The following IMMP2L variants were observed in gnomAD, a reference collection of about 807,000 sequenced individuals.
IMMP2L encodes the protein inner mitochondrial membrane peptidase subunit 2, also known as mitochondrial inner membrane protease subunit 2.
IMMP2L carries 18 observed loss-of-function variants against 19.3 expected under a neutral mutation model. The ratio of observed to expected loss-of-function variants is 0.93; its 90% CI spans 0.64 to 1.38. The LOEUF (loss-of-function observed/expected upper bound fraction) is 1.38. IMMP2L is among the 40% of genes most tolerant of loss of function. IMMP2L has a pLI of 0.00. For missense variants in IMMP2L, 233 were observed against 218.2 expected, an observed-to-expected ratio of 1.07 and a Z score of -0.43; for synonymous variants, 76 against 73.0, an observed-to-expected ratio of 1.04 and a Z score of -0.21.
At chr7:110,818,725 G>A (rs1802761332) in intron 5 of IMMP2L, among the ~76,000 whole-genome samples, 1 of 151,872 alleles carries the variant, frequency 6.6e-6, no homozygotes. Context: ...GTCCAACAAC[G>A]ATAGACTGGA....
chr7:110,991,246 C>T (rs149639701), intron 3 of IMMP2L, among the ~76,000 whole-genome samples: 11 of 152,138 alleles, frequency 7.2e-5, no homozygotes, highest in Non-Finnish European at 1.3e-4. Flanking sequence ...TCTTGAGGCT[C>T]CCACCATGTT....
At chr7:111,256,619 T>A (rs1208509417) in intron 3 of IMMP2L, among the ~76,000 whole-genome samples, 2 of 152,052 alleles carry the variant, frequency 1.3e-5, no homozygotes. Flanking sequence ...ATATGTCCAT[T>A]GTTCATAGAG....
At chr7:111,260,735 C>T (rs1490283107) in intron 3 of IMMP2L, among the ~76,000 whole-genome samples, 1 of 152,014 alleles carries the variant, frequency 6.6e-6, no homozygotes, top group Non-Finnish European at 1.5e-5. Flanking sequence ...AAGAAACTTT[C>T]TCTAAAGGAG....
At chr7:110,831,918 G>T (rs1463096282) in intron 5 of IMMP2L, among the ~76,000 whole-genome samples, 2 of 152,134 alleles carry the variant, frequency 1.3e-5, no homozygotes, top group Non-Finnish European at 2.9e-5. Flanking sequence ...TGAAGCTAAA[G>T]GTCCCAGCAG....
chr7:111,506,245 A>G lies in IMMP2L; in HGVS notation c.135+15068T>C, dbSNP rs537373463. Among the ~76,000 whole-genome samples, 6 of 151,452 alleles carry G rather than the reference A, an allele frequency of 4.0e-5. No individual in the cohort carries two copies. The East Asian group carries it at 7.7e-4, about 20-fold the overall frequency. The stretch of plus-strand genomic sequence containing the variant: ...ATATAAAAATAAATAATAAATTTTT[A>G]AAAAGAAATGCTCCTTCATAATAAG... On this transcript the variant is annotated intron_variant, in intron 2 of 5. Transcript: ENST00000405709.
intron 3 of IMMP2L, among the ~76,000 whole-genome samples, chr7:111,141,276 C>A (rs546526802): frequency 1.3e-5 from 2 of 151,686 alleles, no homozygotes; most frequent in African/African-American, 4.9e-5. Flanking sequence ...AATAATACTA[C>A]AAAGAATGTG....
intron 5 of IMMP2L, among the ~76,000 whole-genome samples, chr7:110,823,631 T>C (rs1563001217): frequency 1.3e-5 from 2 of 152,170 alleles, no homozygotes; most frequent in East Asian, 1.9e-4. Context: ...CCTAACCTTA[T>C]AAAAGATCAG....
intron 3 of IMMP2L, among the ~76,000 whole-genome samples, chr7:111,045,196 C>T (rs929923747): frequency 6.6e-6 from 1 of 152,194 alleles, no homozygotes; most frequent in Non-Finnish European, 1.5e-5. Context: ...TGCTAGTTAG[C>T]CTACTCAGCC....
At chr7:111,241,671 C>T (rs1026686403) in intron 3 of IMMP2L, among the ~76,000 whole-genome samples, 1 of 151,254 alleles carries the variant, frequency 6.6e-6, no homozygotes, top group African/African-American at 2.4e-5. Flanking sequence ...GTATATTGTG[C>T]TGTAACTTTT....
At chr7:111,190,428 G>A (rs749098292) in intron 3 of IMMP2L, among the ~76,000 whole-genome samples, 28 of 151,996 alleles carry the variant, frequency 1.8e-4, no homozygotes, top group Non-Finnish European at 3.5e-4. Flanking sequence ...AGATTTGTCC[G>A]AAGGGAAAAC....
chr7:110,818,935 G>A (rs1210609746), intron 5 of IMMP2L, among the ~76,000 whole-genome samples: 1 of 122,784 alleles, frequency 8.1e-6, no homozygotes, highest in Non-Finnish European at 1.6e-5. Flanking sequence ...ACAGGAAGGG[G>A]AACATCACAC....
chr7:111,218,123 C>G (rs1812147396), intron 3 of IMMP2L, among the ~76,000 whole-genome samples: 1 of 151,984 alleles, frequency 6.6e-6, no homozygotes, highest in African/African-American at 2.4e-5. Context: ...CACTCTTTCC[C>G]TATATATGAA....
At chr7:110,796,565 T>C (rs550524238) in intron 5 of IMMP2L, among the ~76,000 whole-genome samples, 1 of 152,146 alleles carries the variant, frequency 6.6e-6, no homozygotes, top group African/African-American at 2.4e-5. Context: ...TAAAACACAA[T>C]CTCAATTTCT....
rs945785878 is a variant in IMMP2L, at chr7:110,663,495, G to A, written c.*107C>T. The A allele has an allele frequency of 1.5e-4, 135 of 882,826 alleles. 1 individual carries two copies. In the Middle Eastern group the frequency reaches 2.3e-3, roughly 15 times the overall value. 54.7% of individuals were successfully genotyped at this position (882,826 alleles called of 1,614,324 possible). A position where few individuals can be genotyped will look rare whatever the true frequency, so the allele number is the denominator to read the frequency against. The stretch of plus-strand genomic sequence containing the variant: ...TTTTAATGTGCTGTAAATATTTCTC[G>A]CACAGCATCATATTGTCAGAAGTTT... On this transcript the variant is annotated 3_prime_UTR_variant, in exon 6 of 6. Transcript: ENST00000405709.
chr7:110,974,456 C>G (rs755924769), intron 3 of IMMP2L, among the ~76,000 whole-genome samples: 18 of 151,982 alleles, frequency 1.2e-4, no homozygotes, highest in African/African-American at 3.9e-4. Context: ...ATAGTCTAAC[C>G]GTATTACCTA....
intron 3 of IMMP2L, among the ~76,000 whole-genome samples, chr7:111,086,142 CGTGGACTG>C (rs1199309971): frequency 2.6e-5 from 4 of 151,366 alleles, no homozygotes; most frequent in Non-Finnish European, 5.9e-5. Flanking sequence ...AAAAAAAAGA[CGTGGACTG>C]GTACTGTGGC....
chr7:110,821,311 T>C (rs1803007198), intron 5 of IMMP2L, among the ~76,000 whole-genome samples: 2 of 152,130 alleles, frequency 1.3e-5, no homozygotes, highest in African/African-American at 4.8e-5. Context: ...AGCACTACAA[T>C]AAATGATCAG....
chr7:110,809,043 AC>A (rs1010855012), intron 5 of IMMP2L, among the ~76,000 whole-genome samples: 3 of 151,944 alleles, frequency 2.0e-5, no homozygotes, highest in Non-Finnish European at 2.9e-5. Context: ...GCAACCTAAA[AC>A]CCTGTCATCT....
intron 3 of IMMP2L, among the ~76,000 whole-genome samples, chr7:111,297,255 C>A (rs1200252691): frequency 1.3e-5 from 2 of 151,992 alleles, no homozygotes; most frequent in Non-Finnish European, 2.9e-5. Flanking sequence ...GTGGATTGTA[C>A]CAACATCTCT....
Sources: gnomAD v4.1 joint callset for allele counts (sites outside exome capture counted in the v4.1 genomes callset) on GRCh38, gnomAD v4.1.1 for gene constraint, MANE v1.5 for transcripts, NCBI Gene and HGNC (gene_info 2026-07-23, HGNC 2026-07-21) for gene names.